HTT: variants seen among roughly 807,000 people sequenced by gnomAD.
HTT encodes huntingtin, also known as huntington disease protein.
HTT carries 104 observed loss-of-function variants against 362.3 expected under a neutral mutation model. That is an observed-to-expected ratio of 0.29 (90% CI 0.24 to 0.34). The LOEUF (loss-of-function observed/expected upper bound fraction) is 0.34, where lower values mean the gene tolerates loss of function less well. HTT is among the 10% of genes least tolerant of loss of function. The pLI is 1.00. For missense variants in HTT, 3,301 were observed against 3,928.6 expected (o/e 0.84, Z 4.27); for synonymous variants, 1,577 against 1,548.7 (o/e 1.02, Z -0.43).
chr4:3,116,855 A>G (rs1395260455), intron 8 of HTT, among the ~76,000 whole-genome samples: 2 of 152,244 alleles, frequency 1.3e-5, no homozygotes, highest in African/African-American at 4.8e-5. Context: ...TTCACTAACT[A>G]TGTAACCATG....
At chr4:3,087,858 AT>A (rs889091685) in intron 2 of HTT, among the ~76,000 whole-genome samples, 9 of 151,454 alleles carry the variant, frequency 5.9e-5, no homozygotes, top group Non-Finnish European at 1.3e-4. Flanking sequence ...TCTTTTTTTA[AT>A]TTTTTTTTGA....
chr4:3,091,550 G>A lies in HTT; in HGVS notation c.347+4528G>A, dbSNP rs549191538. 5.3e-5 allele frequency among the ~76,000 whole-genome samples: 8 copies of A among 152,280 alleles called. No homozygotes were observed. The South Asian group carries it at 8.3e-4, about 16-fold the overall frequency. ...AGTATTGACAGCATATAGATCAAAG[G>A]TTACTAGCCTGTGTAAAGAGCAGTT... On this transcript the variant is annotated intron_variant, in intron 2 of 66. Transcript: ENST00000355072.
chr4:3,166,968 G>T (rs1427013056), intron 29 of HTT, among the ~76,000 whole-genome samples: 1 of 152,236 alleles, frequency 6.6e-6, no homozygotes, highest in Non-Finnish European at 1.5e-5. Context: ...AAGTCCCAGT[G>T]AGATGAACTA....
intron 53 of HTT, among the ~76,000 whole-genome samples, chr4:3,220,874 C>G (rs901005755): frequency 6.6e-6 from 1 of 152,154 alleles, no homozygotes; most frequent in African/African-American, 2.4e-5. Context: ...TCTAGAGACC[C>G]TCAGTTTTGT....
At chr4:3,205,453 A>G (rs932442628) in intron 42 of HTT, among the ~76,000 whole-genome samples, 2 of 152,100 alleles carry the variant, frequency 1.3e-5, no homozygotes, top group African/African-American at 4.8e-5. Context: ...TACTTTCTCT[A>G]TTGAAGTAGT....
chr4:3,239,669 T>G (rs1287364364), intron 66 of HTT, among the ~76,000 whole-genome samples, 177 bp from the exon 67 acceptor site: 1 of 152,080 alleles, frequency 6.6e-6, no homozygotes, highest in African/African-American at 2.4e-5. Context: ...GTTGCAGGAA[T>G]GGAGGTGGAG....
rs1491545415 is a variant in HTT at position 3,074,926 on chromosome 4, AGC to A, written c.102_103del (p.Gln35AlafsTer47). ...CAGCAGCAGCAGCAGCAGCAGCAGC[AGC>A]AGCAGCAACAGCCGCCACCGCCGCC... On this transcript the variant is annotated frameshift_variant, in exon 1 of 67. Transcript: ENST00000355072. LOFTEE classifies it high-confidence loss of function. 1,550 of 1,467,200 alleles carry A rather than the reference AGC, an allele frequency of 1.1e-3. 11 individuals carry two copies. The highest frequency in any genetic ancestry group is 3.5e-3 in the Middle Eastern group (15 of 4,298). 90.9% of individuals were successfully genotyped at this position (1,467,200 alleles called of 1,614,324 possible). A position where few individuals can be genotyped will look rare whatever the true frequency, so the allele number is the denominator to read the frequency against.
intron 29 of HTT, among the ~76,000 whole-genome samples, chr4:3,164,787 C>CA (rs1717620055): frequency 1.3e-5 from 2 of 152,262 alleles, no homozygotes; most frequent in East Asian, 3.9e-4. Context: ...GATCTTCCTC[C>CA]ATCCCTTTAT....
rs1453650667 is a variant in HTT at position 3,116,270 on chromosome 4, G to A, written c.1068+7G>A. 1.2e-6 allele frequency: 2 copies of A among 1,604,598 alleles called. No individual in the cohort carries two copies. Among genetic ancestry groups the A allele is most frequent in the South Asian group, 1.1e-5 (1 of 90,840 alleles). On this transcript the variant is annotated splice_region_variant and intron_variant, in intron 8 of 66. Transcript: ENST00000355072. Reference sequence around the variant, plus strand: ...TGCAGAGCAGCTTGTCCAGGTAGGAGCACAGGGTTTACTCTAGGCCCTGCA... The same window carrying A: ...TGCAGAGCAGCTTGTCCAGGTAGGAACACAGGGTTTACTCTAGGCCCTGCA...
chr4:3,133,779 C>T (rs1197502744), intron 18 of HTT, among the ~76,000 whole-genome samples: 3 of 152,206 alleles, frequency 2.0e-5, no homozygotes, highest in South Asian at 2.1e-4. Flanking sequence ...ATAACTCCCC[C>T]TTTTAAAATG....
At chr4:3,076,036 C>T (rs1578476971) in intron 1 of HTT, among the ~76,000 whole-genome samples, 1 of 152,120 alleles carries the variant, frequency 6.6e-6, no homozygotes, top group South Asian at 2.1e-4. Flanking sequence ...TCCAGTCAGG[C>T]TTGCCAGAAT....
chr4:3,083,582 C>T lies in HTT; in HGVS notation c.264-3357C>T, dbSNP rs1260544341. 3.6e-4 allele frequency among the ~76,000 whole-genome samples: 45 copies of T among 126,148 alleles called. No homozygotes were observed. In the Admixed American group the frequency reaches 3.6e-3, roughly 10 times the overall value. The allele number at this position is 126,148 out of a possible 152,430, so 82.8% of individuals were successfully genotyped here. A position where few individuals can be genotyped will look rare whatever the true frequency, so the allele number is the denominator to read the frequency against. On this transcript the variant is annotated intron_variant, in intron 1 of 66. Transcript: ENST00000355072. ...ACACACACACACACACACACACACA[C>T]ACACATATATATGTATATATATGCA...
chr4:3,127,560 G>A lies in HTT; in HGVS notation c.1699G>A (p.Glu567Lys), dbSNP rs1222187754. The A allele has an allele frequency of 1.9e-6, 3 of 1,613,966 alleles. No individual in the cohort carries two copies. The highest frequency in any genetic ancestry group is 1.3e-5 in the African/African-American group (1 of 74,934). Residue 567 changes from glutamate to lysine, a missense_variant, in exon 12 of 67, where the codon GAA (glutamate) becomes AAA (lysine). Physicochemically the swap from Glu to Lys is moderately conservative, Grantham distance 56 (BLOSUM62 1). This residue lies in a region of HTT where 2,316 missense variants were observed against 2,658.5 expected (regional missense o/e 0.87). Coordinates refer to ENST00000355072, the MANE Select transcript of HTT (RefSeq NM_001388492.1). ...CAGCGACAGCTCCCAGACCACCACC[G>A]AAGGGCCTGATTCAGCTGTTACCCC... ...PISDSSQTTT[E>K]GPDSAVTPSD...
chr4:3,150,239 C>T (rs1716808949), intron 26 of HTT, among the ~76,000 whole-genome samples: 1 of 152,224 alleles, frequency 6.6e-6, no homozygotes, highest in African/African-American at 2.4e-5. Flanking sequence ...CCACTAAACA[C>T]ATATAGCTGT....
chr4:3,131,975 G>A (rs549725480), intron 16 of HTT, among the ~76,000 whole-genome samples, 200 bp downstream of exon 16: 1 of 152,268 alleles, frequency 6.6e-6, no homozygotes, highest in Non-Finnish European at 1.5e-5. Context: ...AACCCATAGA[G>A]GAGAAAAGTA....
In HTT at chr4:3,220,229, A is replaced by G. The variant is rs1720611336; in HGVS notation, c.7290A>G (p.Thr2430=). ...WSPKPGGDFG[T]AFPEIPVEFL... is the part of the protein sequence containing the mutation. ...CCAAACCGGGAGGGGATTTTGGCAC[A>G]GCATTCCCTGAGATCCCCGTGGAGT... is the stretch of plus-strand genomic sequence containing the variant. The change falls in exon 53 of 67, where the codon ACA becomes ACG. Residue 2430 remains threonine, a synonymous_variant. Coordinates refer to ENST00000355072, the MANE Select transcript of HTT (RefSeq NM_001388492.1). 1 of 1,614,064 alleles carries G rather than the reference A, an allele frequency of 6.2e-7. No individual in the cohort carries two copies. The highest frequency in any genetic ancestry group is 1.3e-5 in the African/African-American group (1 of 74,926).
At position 3,241,262 on chromosome 4, in the gene HTT, C is replaced by G. The variant is rs992052632; in HGVS notation, c.*1203C>G. 1 of 152,458 alleles carries G rather than the reference C, an allele frequency of 6.6e-6. No homozygotes were observed. Among genetic ancestry groups the G allele is most frequent in the Admixed American group, 6.5e-5 (1 of 15,294 alleles). 9.4% of individuals were successfully genotyped at this position (152,458 alleles called of 1,614,324 possible). ...GCCCAGCATCCCTTCTGCCCCCGTT[C>G]CAGCTGACATCTTGCACGGTGACCC... On this transcript the variant is annotated 3_prime_UTR_variant, in exon 67 of 67. Transcript: ENST00000355072.
intron 51 of HTT, 28 bp downstream of exon 51, chr4:3,215,239 A>G: frequency 3.9e-6 from 6 of 1,547,370 alleles, no homozygotes; most frequent in Non-Finnish European, 5.3e-6. Context: ...TTTTTTTCTT[A>G]CATGTTGTTC....
rs1161682622 is a variant in HTT, at chr4:3,074,774, C to T, written c.-52C>T. 1.3e-6 allele frequency: 2 copies of T among 1,497,700 alleles called. No homozygotes were observed. Among genetic ancestry groups the T allele is most frequent in the Non-Finnish European group, 1.8e-6 (2 of 1,128,572 alleles). The allele number at this position is 1,497,700 out of a possible 1,614,324, so 92.8% of individuals were successfully genotyped here. On this transcript the variant is annotated 5_prime_UTR_variant, in exon 1 of 67. Coordinates refer to ENST00000355072, the MANE Select transcript of HTT (RefSeq NM_001388492.1). ...TCATTGCCCCGGTGCTGAGCGGCGCCGCGAGTCGGCCCGAGGCCTCCGGGG... is the reference window on the plus strand; with the variant it reads ...TCATTGCCCCGGTGCTGAGCGGCGCTGCGAGTCGGCCCGAGGCCTCCGGGG...
Sources: gnomAD v4.1 joint callset for allele counts (sites outside exome capture counted in the v4.1 genomes callset) on GRCh38, gnomAD v4.1.1 for gene constraint, gnomAD v4.1.1 regional missense constraint, MANE v1.5 for transcripts, NCBI Gene and HGNC (gene_info 2026-07-23, HGNC 2026-07-21) for gene names.